Variants in ASCC2 observed in about 807,000 individuals in gnomAD.
ASCC2 encodes the protein activating signal cointegrator 1 complex subunit 2, also known as ASC-1 complex subunit P100.
In ASCC2, 42 loss-of-function variants were observed where a neutral mutation model predicts 93.5. The ratio of observed to expected loss-of-function variants is 0.45; its 90% CI spans 0.35 to 0.58. The LOEUF is 0.58. Among genes scored for constraint, ASCC2 ranks in the 20% least tolerant of loss-of-function variants. The pLI, the probability that ASCC2 is intolerant of heterozygous loss-of-function variation, is 0.00. For synonymous variants in ASCC2, 364 were observed against 384.2 expected (o/e 0.95, Z 0.62); for missense variants, 859 against 977.6 (o/e 0.88, Z 1.62).
intron 5 of ASCC2, chr22:29,821,770 G>T (rs2061578321): frequency 3.2e-6 from 1 of 314,904 alleles, no homozygotes. Context: ...TAAAGCAGGA[G>T]GATGACTTGA....
At chr22:29,796,283 T>A (rs1012472918) in intron 15 of ASCC2, among the ~76,000 whole-genome samples, 1 of 152,130 alleles carries the variant, frequency 6.6e-6, no homozygotes, top group Admixed American at 6.6e-5. Context: ...TAATTTTTTG[T>A]ATTTTTTTTT....
intron 2 of ASCC2, among the ~76,000 whole-genome samples, chr22:29,831,362 CT>C (rs759997811): frequency 2.0e-5 from 3 of 152,206 alleles, no homozygotes; most frequent in Non-Finnish European, 2.9e-5. Flanking sequence ...GTTTCCTCAT[CT>C]GTAAAATGGA....
At chr22:29,797,924 C>T (rs1389176672) in intron 15 of ASCC2, among the ~76,000 whole-genome samples, 4 of 152,102 alleles carry the variant, frequency 2.6e-5, no homozygotes. Flanking sequence ...TGCCACCATG[C>T]CCAGCTAGTT....
chr22:29,827,498 C>A (rs1016211962), intron 2 of ASCC2: 22 of 458,914 alleles, frequency 4.8e-5, no homozygotes, highest in South Asian at 3.3e-4. Flanking sequence ...AACTGTAGAG[C>A]CTGTGGGTAC....
intron 5 of ASCC2, 71 bp downstream of exon 5, chr22:29,822,264 G>A (rs1347188350): frequency 6.3e-6 from 10 of 1,595,414 alleles, no homozygotes; most frequent in Non-Finnish European, 2.6e-6. Context: ...CAAAGCGCTG[G>A]CCTTTGCAAC....
intron 5 of ASCC2, among the ~76,000 whole-genome samples, chr22:29,820,635 C>T (rs2061435437): frequency 1.3e-5 from 2 of 151,492 alleles, no homozygotes; most frequent in African/African-American, 4.8e-5. Flanking sequence ...ATTATCTTTA[C>T]CATTAAGAAA....
intron 14 of ASCC2, among the ~76,000 whole-genome samples, chr22:29,801,683 C>A (rs1338160785): frequency 6.6e-6 from 1 of 152,124 alleles, no homozygotes; most frequent in African/African-American, 2.4e-5. Flanking sequence ...AGGGGCAGGT[C>A]AGGAATGTAG....
In ASCC2 at chr22:29,806,216, A is replaced by G; in HGVS notation, c.1160T>C (p.Leu387Ser). 1 of 1,614,076 alleles carries G rather than the reference A, an allele frequency of 6.2e-7. No homozygotes were observed. Among genetic ancestry groups the G allele is most frequent in the Middle Eastern group, 1.6e-4 (1 of 6,062 alleles). ...ISLLQQASSV[L>S]DETRTAYILQ... ...GTAGTGGGCTATGGTAGAAGGATACAAGACTGATGAGGCCTGCTGCAGCAA... is the reference window on the plus strand; with the variant it reads ...GTAGTGGGCTATGGTAGAAGGATACGAGACTGATGAGGCCTGCTGCAGCAA... Residue 387 changes from leucine to serine, a missense_variant and splice_region_variant, in exon 12 of 20, where the codon TTG (leucine) becomes TCG (serine). By Grantham distance (145) the Leu-to-Ser change is moderately radical (BLOSUM62 -2). Transcript: ENST00000307790.
At chr22:29,832,157 G>A (rs1395653628) in intron 2 of ASCC2, 88 bp downstream of exon 2, 1 of 1,165,562 alleles carries the variant, frequency 8.6e-7, no homozygotes, top group East Asian at 2.5e-5. Flanking sequence ...TGTCATTCTT[G>A]GAACAGATAA....
At chr22:29,809,643 G>A (rs2060068570) in intron 8 of ASCC2, among the ~76,000 whole-genome samples, 1 of 151,962 alleles carries the variant, frequency 6.6e-6, no homozygotes, top group East Asian at 1.9e-4. Flanking sequence ...GCTAGGCATG[G>A]GGGCGGGCAC....
chr22:29,805,064 CAG>C (rs2059522005), intron 12 of ASCC2, among the ~76,000 whole-genome samples: 1 of 152,188 alleles, frequency 6.6e-6, no homozygotes, highest in African/African-American at 2.4e-5. Flanking sequence ...TGAGTAAAGA[CAG>C]GGCCAGGGCT....
rs1601890116 is a variant in ASCC2 at position 29,802,081 on chromosome 22, T to C, written c.1481A>G (p.Tyr494Cys). 1 of 1,614,148 alleles carries C rather than the reference T, an allele frequency of 6.2e-7. No individual in the cohort carries two copies. Residue 494 changes from tyrosine to cysteine, a missense_variant, in exon 14 of 20, where the codon TAC becomes TGC. By Grantham distance (194) the Tyr-to-Cys change is radical (BLOSUM62 -2). Transcript: ENST00000307790. ...EGFILACLEYYHYDPEQVINN... is the reference protein window; with the variant it reads ...EGFILACLEYCHYDPEQVINN... ...GATCACCTGCTCTGGGTCGTAGTGG[T>C]AGTACTCCAGGCAGGCCAGGATGAA...
At chr22:29,799,000 G>A (rs1019789904) in intron 15 of ASCC2, among the ~76,000 whole-genome samples, 1 of 152,262 alleles carries the variant, frequency 6.6e-6, no homozygotes, top group African/African-American at 2.4e-5. Flanking sequence ...CAGTGTTCCA[G>A]AAACCTGGCC....
rs548845820 is a variant in ASCC2, at chr22:29,794,113, G to A, written c.1689-437C>T. Reference sequence around the variant, plus strand: ...TTGGCCAGGTTGGCCTCAAACTCCTGACCGCAAGTGATCCCCCCACCTCAG... The same window carrying A: ...TTGGCCAGGTTGGCCTCAAACTCCTAACCGCAAGTGATCCCCCCACCTCAG... On this transcript the variant is annotated intron_variant, in intron 15 of 19. Coordinates refer to ENST00000307790, the MANE Select transcript of ASCC2 (RefSeq NM_032204.5). 2.6e-5 allele frequency among the ~76,000 whole-genome samples: 4 copies of A among 151,888 alleles called. No homozygotes were observed. The South Asian group carries it at 6.2e-4, about 24-fold the overall frequency.
chr22:29,820,383 C>G (rs1283130718), intron 5 of ASCC2, among the ~76,000 whole-genome samples: 1 of 151,786 alleles, frequency 6.6e-6, no homozygotes, highest in Non-Finnish European at 1.5e-5. Flanking sequence ...AGATTGGTCA[C>G]GAACTCCTGA....
chr22:29,831,654 C>G (rs373889612), intron 2 of ASCC2, among the ~76,000 whole-genome samples: 1 of 152,174 alleles, frequency 6.6e-6, no homozygotes, highest in African/African-American at 2.4e-5. Context: ...TATAGGAACT[C>G]CAGGGCTACA....
intron 5 of ASCC2, among the ~76,000 whole-genome samples, chr22:29,819,587 G>A (rs2061315554): frequency 6.6e-6 from 1 of 152,208 alleles, no homozygotes. Context: ...GACACAGCCA[G>A]GAATAGAGCT....
rs2058610938 is a variant in ASCC2, at chr22:29,797,784, A to G, written c.1688+3207T>C. Among the ~76,000 whole-genome samples, 3 of 152,178 alleles carry G rather than the reference A, an allele frequency of 2.0e-5. No homozygotes were observed. In the South Asian group the frequency reaches 6.2e-4, roughly 31 times the overall value. On this transcript the variant is annotated intron_variant, in intron 15 of 19. Coordinates refer to ENST00000307790, the MANE Select transcript of ASCC2 (RefSeq NM_032204.5). ...AAATTTTAATTATTATTATTTTTTG[A>G]GACAGGGTTTCACTCTTGTTGCCCA...
At chr22:29,790,873 G>C (rs1016488504) in intron 18 of ASCC2, among the ~76,000 whole-genome samples, 2 of 152,208 alleles carry the variant, frequency 1.3e-5, no homozygotes, top group Non-Finnish European at 2.9e-5. Context: ...GATGGCCACT[G>C]TGAGAGGCTG....
Sources: allele counts gnomAD v4.1 joint callset (sites outside exome capture counted in the v4.1 genomes callset), GRCh38; gene constraint gnomAD v4.1.1; transcripts MANE v1.5; gene names NCBI Gene and HGNC (gene_info 2026-07-23, HGNC 2026-07-21).